Variants in DAB1 observed in about 807,000 individuals in gnomAD.
DAB1 encodes the protein disabled homolog 1.
In DAB1, 15 loss-of-function variants were observed where a neutral mutation model predicts 64.6. The ratio of observed to expected loss-of-function variants is 0.23; its 90% CI spans 0.16 to 0.36. The LOEUF (loss-of-function observed/expected upper bound fraction) is 0.36, where lower values mean the gene tolerates loss of function less well. Among genes scored for constraint, DAB1 ranks in the 10% least tolerant of loss-of-function variants. The pLI is 1.00. For synonymous variants in DAB1, 235 were observed against 251.9 expected (o/e 0.93, Z 0.64); for missense variants, 596 against 706.7 (o/e 0.84, Z 1.78).
intron 2 of DAB1, among the ~76,000 whole-genome samples, chr1:57,211,493 C>T (rs942015476): frequency 1.3e-5 from 2 of 152,138 alleles, no homozygotes; most frequent in Non-Finnish European, 2.9e-5. Context: ...CATTCAAATC[C>T]TTGCTTTGAA....
chr1:58,515,613 A>G (rs575899158), intron 2 of DAB1, among the ~76,000 whole-genome samples: 2 of 152,328 alleles, frequency 1.3e-5, no homozygotes, highest in South Asian at 2.1e-4. Context: ...CAACATACCT[A>G]TTAAATAAGA....
intron 6 of DAB1, among the ~76,000 whole-genome samples, chr1:57,676,753 C>T (rs1256841831): frequency 1.3e-5 from 2 of 152,182 alleles, no homozygotes; most frequent in Non-Finnish European, 2.9e-5. Context: ...TATGCCATGC[C>T]TTTCAATGGG....
intron 5 of DAB1, among the ~76,000 whole-genome samples, chr1:57,928,824 T>C (rs1226484116): frequency 6.6e-6 from 1 of 152,242 alleles, no homozygotes; most frequent in African/African-American, 2.4e-5. Flanking sequence ...GTTATCTGGA[T>C]GTAACACAGA....
chr1:57,561,682 A>C (rs2805859), intron 7 of DAB1, among the ~76,000 whole-genome samples: 133,435 of 152,122 alleles, frequency 0.88, 60,145 homozygotes, highest in East Asian at 1. Flanking sequence ...ACACCAAGGG[A>C]CAATGAACAA....
chr1:57,728,452 A>G (rs1377864150), intron 6 of DAB1, among the ~76,000 whole-genome samples: 1 of 152,016 alleles, frequency 6.6e-6, no homozygotes, highest in Non-Finnish European at 1.5e-5. Context: ...AAATTAGCCC[A>G]GCGTGGTGGC....
intron 7 of DAB1, among the ~76,000 whole-genome samples, chr1:57,597,181 G>T (rs974024463): frequency 1.3e-5 from 2 of 152,100 alleles, no homozygotes; most frequent in African/African-American, 4.8e-5. Context: ...TATCCACCTG[G>T]ATTTACATAT....
chr1:58,230,020 T>A (rs1223609184), intron 4 of DAB1, among the ~76,000 whole-genome samples: 1 of 152,140 alleles, frequency 6.6e-6, no homozygotes, highest in Non-Finnish European at 1.5e-5. Context: ...AACCTCCCAG[T>A]CTCACTGAGT....
intron 1 of DAB1, among the ~76,000 whole-genome samples, chr1:57,335,136 G>T (rs1002709450): frequency 6.6e-6 from 1 of 151,986 alleles, no homozygotes; most frequent in Non-Finnish European, 1.5e-5. Context: ...GTGAATTTAA[G>T]AATTTAAGAG....
In DAB1 at chr1:57,477,126, A is replaced by G. The variant is rs537735540; in HGVS notation, n.625+172466T>C. 5.3e-5 allele frequency among the ~76,000 whole-genome samples: 8 copies of G among 152,354 alleles called. No individual in the cohort carries two copies. The South Asian group carries it at 8.3e-4, about 16-fold the overall frequency. On this transcript the variant is annotated intron_variant and non_coding_transcript_variant, in intron 7 of 20. Transcript: ENST00000485760. ...CCTGGACACTGAGTTGGAATTTGTC[A>G]GCGAGACAAAGATCTGTTGCACACA... is the stretch of plus-strand genomic sequence containing the variant.
intron 6 of DAB1, among the ~76,000 whole-genome samples, chr1:57,767,671 T>G (rs193209448): frequency 6.6e-6 from 1 of 152,116 alleles, no homozygotes; most frequent in Non-Finnish European, 1.5e-5. Context: ...AATAAATAAT[T>G]AATGAATGAA....
intron 7 of DAB1, among the ~76,000 whole-genome samples, chr1:57,575,637 A>G (rs17116034): frequency 0.021 from 3,179 of 152,346 alleles, 128 homozygotes; most frequent in African/African-American, 0.073. Context: ...AGAGCTTCAG[A>G]GAGGTTAAGA....
intron 3 of DAB1, among the ~76,000 whole-genome samples, chr1:58,487,392 A>G (rs1645594081): frequency 6.6e-6 from 1 of 152,256 alleles, no homozygotes. Context: ...ATAATATCGT[A>G]TTGTCAATTA....
rs17117658 is a variant in DAB1 at position 58,531,589 on chromosome 1, C to G, written n.33-4254G>C. Among the ~76,000 whole-genome samples, 962 of 152,282 alleles carry G rather than the reference C, an allele frequency of 6.3e-3. 3 individuals carry two copies. The highest frequency in any genetic ancestry group is 0.019 in the African/African-American group (777 of 41,570). On this transcript the variant is annotated intron_variant and non_coding_transcript_variant, in intron 1 of 20. Transcript: ENST00000485760. ...ATGAAAAATGACTGAAAACTAAAAA[C>G]TGACTTAGAATATTGTCCCTTAACA...
At chr1:58,007,352 G>C (rs890534518) in intron 5 of DAB1, among the ~76,000 whole-genome samples, 5 of 152,132 alleles carry the variant, frequency 3.3e-5, no homozygotes, top group Non-Finnish European at 7.4e-5. Context: ...GCTAAATGTG[G>C]AGACGGCTTT....
At chr1:57,641,378 G>GTTTT (rs1491296848) in intron 7 of DAB1, among the ~76,000 whole-genome samples, 19,271 of 106,584 alleles carry the variant, frequency 0.18, 2,225 homozygotes, top group Admixed American at 0.24. Context: ...TTTTTTTGTT[G>GTTTT]GTTTTTTTTT....
chr1:57,176,046 T>C (rs1271737784), intron 2 of DAB1, among the ~76,000 whole-genome samples: 5 of 152,154 alleles, frequency 3.3e-5, no homozygotes, highest in Non-Finnish European at 5.9e-5. Flanking sequence ...AGCTACACCA[T>C]CCATAGTGTG....
rs1201768802 is a variant in DAB1 at position 57,011,212 on chromosome 1, T to C, written c.1505A>G (p.Asp502Gly). ...PSKSSASHAS[D>G]PTTDDIFEEG... ...TTCAAAGATGTCATCTGTGGTAGGA[T>C]CACTGGCATGGGATGCAGATGATTT... Residue 502 changes from aspartate (D) to glycine (G), a missense_variant, in exon 13 of 15, where the codon GAT (aspartate) becomes GGT (glycine). Coordinates refer to ENST00000371236, the MANE Select transcript of DAB1 (RefSeq NM_001365792.1). The C allele has an allele frequency of 6.2e-7, 1 of 1,614,084 alleles. No homozygotes were observed. Among genetic ancestry groups the C allele is most frequent in the Non-Finnish European group, 8.5e-7 (1 of 1,179,932 alleles).
At chr1:57,637,994 A>T (rs1646077978) in intron 7 of DAB1, among the ~76,000 whole-genome samples, 2 of 152,194 alleles carry the variant, frequency 1.3e-5, no homozygotes, top group African/African-American at 4.8e-5. Context: ...CAGCATAGAG[A>T]AACACTTTTG....
intron 6 of DAB1, among the ~76,000 whole-genome samples, chr1:57,818,133 G>A (rs1452719608): frequency 6.6e-6 from 1 of 152,176 alleles, no homozygotes; most frequent in Non-Finnish European, 1.5e-5. Context: ...TAGAGAAAGA[G>A]AGCTAGATAA....
Sources: allele counts gnomAD v4.1 joint callset (sites outside exome capture counted in the v4.1 genomes callset), GRCh38; gene constraint gnomAD v4.1.1; transcripts MANE v1.5; gene names NCBI Gene and HGNC (gene_info 2026-07-23, HGNC 2026-07-21).